The following RELN variants were observed in gnomAD, a reference collection of about 807,000 sequenced individuals.
The protein encoded by RELN is reelin.
In RELN, 108 loss-of-function variants were observed where a neutral mutation model predicts 427.6. That is an observed-to-expected ratio of 0.25 (90% CI 0.22 to 0.30). The LOEUF (loss-of-function observed/expected upper bound fraction) is 0.30, where lower values mean the gene tolerates loss of function less well. Ranked by LOEUF, RELN falls within the 10% of genes least tolerant of loss-of-function variation. RELN has a pLI of 1.00. For synonymous variants in RELN, 1,524 were observed against 1,513.4 expected (o/e 1.01, Z -0.16); for missense variants, 3,715 against 4,302.8 (o/e 0.86, Z 3.82).
At chr7:103,524,396 G>A (rs371021949) in intron 46 of RELN, among the ~76,000 whole-genome samples, 30 of 75,710 alleles carry the variant, frequency 4.0e-4, no homozygotes, top group East Asian at 9.0e-4. Context: ...ATATAAAAGC[G>A]ATATAAGTAA....
intron 43 of RELN, among the ~76,000 whole-genome samples, chr7:103,541,846 G>C (rs934916868): frequency 2.6e-5 from 4 of 152,074 alleles, no homozygotes; most frequent in African/African-American, 9.7e-5. Context: ...ATAAAATATT[G>C]TTTTTATAAC....
In RELN at chr7:103,744,829, C is replaced by G. The variant is rs548883442; in HGVS notation, c.656+4597G>C. 9.2e-5 allele frequency among the ~76,000 whole-genome samples: 14 copies of G among 152,288 alleles called. No individual in the cohort carries two copies. The South Asian group carries it at 2.9e-3, about 32-fold the overall frequency. On this transcript the variant is annotated intron_variant, in intron 6 of 64. Transcript: ENST00000428762. ...AGATGGATTCACAGCCAAATTCTGC[C>G]AGAGGTACAAAGAGGAGCTGGTACC...
At chr7:103,946,110 C>T (rs960864615) in intron 1 of RELN, among the ~76,000 whole-genome samples, 1 of 152,154 alleles carries the variant, frequency 6.6e-6, no homozygotes, top group Non-Finnish European at 1.5e-5. Context: ...CTGTGTTTGC[C>T]TTGTTCAGTG....
chr7:103,536,507 C>T (rs940688779), intron 45 of RELN, among the ~76,000 whole-genome samples: 1 of 152,118 alleles, frequency 6.6e-6, no homozygotes, highest in African/African-American at 2.4e-5. Flanking sequence ...ATGGCCAAGG[C>T]GTCAGGAGCT....
chr7:103,735,288 T>G, intron 6 of RELN, among the ~76,000 whole-genome samples: 1 of 152,266 alleles, frequency 6.6e-6, no homozygotes, highest in Middle Eastern at 3.4e-3. Context: ...TTTTTTTTCA[T>G]GGGACAAAGT....
At chr7:103,503,357 GATTC>G (rs1188647888) in intron 51 of RELN, 127 bp from the exon 52 acceptor site, 3 of 805,732 alleles carry the variant, frequency 3.7e-6, no homozygotes, top group African/African-American at 1.7e-5. Flanking sequence ...TGTATTTTCA[GATTC>G]ATTATTTGTT....
rs1390613023 is a variant in RELN, at chr7:103,671,347, T to C, written c.1290-9820A>G. On this transcript the variant is annotated intron_variant, in intron 11 of 64. Coordinates refer to ENST00000428762, the MANE Select transcript of RELN (RefSeq NM_005045.4). ...GTTCCTCTTGAATTTAATTTTGTTT[T>C]AGGTTTTTATGACATGCATGTTTAT... Among the ~76,000 whole-genome samples the C allele has an allele frequency of 3.3e-5, 5 of 152,148 alleles. No homozygotes were observed. The South Asian group carries it at 6.2e-4, about 19-fold the overall frequency.
chr7:103,821,183 G>A (rs1311607912), intron 3 of RELN, among the ~76,000 whole-genome samples: 1 of 152,146 alleles, frequency 6.6e-6, no homozygotes, highest in Non-Finnish European at 1.5e-5. Flanking sequence ...AATGAAGGAG[G>A]TTTATGGTTG....
At chr7:103,553,040 T>G (rs1238114621) in intron 40 of RELN, among the ~76,000 whole-genome samples, 2 of 152,086 alleles carry the variant, frequency 1.3e-5, no homozygotes, top group African/African-American at 4.8e-5. Context: ...TAAAACAGTA[T>G]TATCTGTAAA....
intron 24 of RELN, among the ~76,000 whole-genome samples, chr7:103,601,800 G>T (rs905905274): frequency 3.7e-4 from 57 of 152,266 alleles, no homozygotes; most frequent in African/African-American, 1.3e-3. Context: ...CTAACCAAGC[G>T]ACACAGGTTG....
chr7:103,587,141 A>C (rs935088746), intron 28 of RELN, among the ~76,000 whole-genome samples: 12 of 152,208 alleles, frequency 7.9e-5, no homozygotes, highest in Admixed American at 6.5e-5. Context: ...GCTACAAAGC[A>C]ATAGTAAGCA....
At chr7:103,556,164 T>C (rs1423157034) in intron 38 of RELN, among the ~76,000 whole-genome samples, 4 of 152,246 alleles carry the variant, frequency 2.6e-5, no homozygotes, top group Admixed American at 6.5e-5. Context: ...AAGAATATTT[T>C]ATCTACGGCA....
At chr7:103,509,685 C>T (rs1038314330) in intron 51 of RELN, among the ~76,000 whole-genome samples, 1 of 151,852 alleles carries the variant, frequency 6.6e-6, no homozygotes, top group Non-Finnish European at 1.5e-5. Flanking sequence ...AGCTCCTGCA[C>T]AGCAAAAGAA....
At chr7:103,959,458 C>T (rs76602167) in intron 1 of RELN, among the ~76,000 whole-genome samples, 13,053 of 152,232 alleles carry the variant, frequency 0.086, 611 homozygotes, top group Middle Eastern at 0.13. Context: ...CAACAGTTCT[C>T]TCAAACTTAA....
chr7:103,548,356 C>A (rs1169166710), intron 41 of RELN, among the ~76,000 whole-genome samples: 1 of 152,092 alleles, frequency 6.6e-6, no homozygotes, highest in Non-Finnish European at 1.5e-5. Context: ...TTTTAGCATC[C>A]AGCACTTGTG....
intron 51 of RELN, among the ~76,000 whole-genome samples, chr7:103,505,316 A>C (rs2117045844): frequency 6.6e-6 from 1 of 152,216 alleles, no homozygotes; most frequent in East Asian, 1.9e-4. Context: ...CATACAGGAG[A>C]GCTCCGGCTG....
intron 2 of RELN, among the ~76,000 whole-genome samples, chr7:103,903,900 A>G (rs986419902): frequency 2.0e-5 from 3 of 151,774 alleles, no homozygotes; most frequent in Admixed American, 6.6e-5. Context: ...GGTTTGTTAC[A>G]TAGGTATACA....
At chr7:103,652,992 T>C (rs1020537471) in intron 13 of RELN, among the ~76,000 whole-genome samples, 1 of 152,094 alleles carries the variant, frequency 6.6e-6, no homozygotes, top group Non-Finnish European at 1.5e-5. Context: ...TCTGCGTGTG[T>C]TTGATCAGGC....
intron 31 of RELN, among the ~76,000 whole-genome samples, chr7:103,567,957 C>A (rs1364669520): frequency 1.3e-5 from 2 of 151,806 alleles, no homozygotes; most frequent in African/African-American, 4.8e-5. Context: ...CCACCTCGCT[C>A]GGCTAATTTT....
Sources: allele counts gnomAD v4.1 joint callset (sites outside exome capture counted in the v4.1 genomes callset), GRCh38; gene constraint gnomAD v4.1.1; transcripts MANE v1.5; gene names NCBI Gene and HGNC (gene_info 2026-07-23, HGNC 2026-07-21).